Variants in FUT9 observed in about 807,000 individuals in gnomAD.
FUT9 encodes fucosyltransferase 9.
Under a neutral mutation model 29.7 loss-of-function variants are expected in FUT9, and 15 were observed. The observed-to-expected ratio is 0.51, with a 90% CI of 0.34 to 0.78. The LOEUF (loss-of-function observed/expected upper bound fraction) is 0.78, where lower values mean the gene tolerates loss of function less well. FUT9 is among the 30% of genes least tolerant of loss of function. The pLI is 0.01. For missense variants in FUT9, 319 were observed against 425.4 expected (o/e 0.75, Z 2.20); for synonymous variants, 169 against 153.7 (o/e 1.10, Z -0.74).
chr6:96,129,070 A>T (rs1180230523), intron 2 of FUT9, among the ~76,000 whole-genome samples: 1 of 150,208 alleles, frequency 6.7e-6, no homozygotes, highest in Non-Finnish European at 1.5e-5. Flanking sequence ...ATCTTGGCTA[A>T]CACGGTGAAA....
At chr6:96,044,350 G>A (rs1770521496) in intron 1 of FUT9, among the ~76,000 whole-genome samples, 1 of 152,146 alleles carries the variant, frequency 6.6e-6, no homozygotes, top group African/African-American at 2.4e-5. Flanking sequence ...CAAAGAGACA[G>A]AACTAAATAG....
intron 1 of FUT9, among the ~76,000 whole-genome samples, chr6:96,104,836 G>T (rs1283104601): frequency 6.6e-6 from 1 of 152,144 alleles, no homozygotes; most frequent in East Asian, 1.9e-4. Flanking sequence ...GGCCACACAA[G>T]TGTAAATTAT....
At chr6:96,036,480 G>A (rs1582184720) in intron 1 of FUT9, among the ~76,000 whole-genome samples, 1 of 151,894 alleles carries the variant, frequency 6.6e-6, no homozygotes, top group African/African-American at 2.4e-5. Context: ...TCACATAAAT[G>A]ACTATCAGTA....
chr6:96,108,964 C>G (rs1286439100), intron 1 of FUT9, among the ~76,000 whole-genome samples: 1 of 152,042 alleles, frequency 6.6e-6, no homozygotes, highest in East Asian at 1.9e-4. Flanking sequence ...CCTACCAACT[C>G]TCTGTTACAT....
chr6:96,046,523 T>G (rs2127935855), intron 1 of FUT9, among the ~76,000 whole-genome samples: 1 of 152,306 alleles, frequency 6.6e-6, no homozygotes, highest in Non-Finnish European at 1.5e-5. Flanking sequence ...AAGTTTCTAC[T>G]CAAATGCCAT....
intron 1 of FUT9, among the ~76,000 whole-genome samples, chr6:96,070,571 C>T (rs1183312864): frequency 6.6e-6 from 1 of 152,044 alleles, no homozygotes; most frequent in Non-Finnish European, 1.5e-5. Flanking sequence ...CCTGTAGTCC[C>T]AGCAACTTGG....
intron 1 of FUT9, among the ~76,000 whole-genome samples, chr6:96,023,873 G>C (rs1181497037): frequency 6.6e-6 from 1 of 151,714 alleles, no homozygotes; most frequent in African/African-American, 2.4e-5. Flanking sequence ...GTTTTTGTTG[G>C]ACCATCTGGG....
intron 1 of FUT9, among the ~76,000 whole-genome samples, chr6:96,080,443 G>A (rs1771215651): frequency 6.6e-6 from 1 of 151,920 alleles, no homozygotes; most frequent in Admixed American, 6.6e-5. Context: ...GAACTGAAGT[G>A]AAGCAAAGAC....
intron 2 of FUT9, among the ~76,000 whole-genome samples, chr6:96,130,679 G>A (rs779036598): frequency 7.2e-5 from 11 of 152,050 alleles, no homozygotes; most frequent in Admixed American, 1.3e-4. Flanking sequence ...CCTCCTTCAA[G>A]ATAATACAGT....
chr6:96,041,129 AC>A (rs1328113056), intron 1 of FUT9, among the ~76,000 whole-genome samples: 2 of 151,528 alleles, frequency 1.3e-5, no homozygotes, highest in African/African-American at 4.9e-5. Flanking sequence ...CTTGCAAAAC[AC>A]GACTTTGTAC....
intron 2 of FUT9, among the ~76,000 whole-genome samples, chr6:96,150,202 T>C (rs5000119): frequency 0.91 from 138,698 of 152,182 alleles, 64,597 homozygotes; most frequent in Non-Finnish European, 1. Flanking sequence ...AAATGGTGTC[T>C]GTTTCAGGTA....
At chr6:96,060,878 T>G (rs1287589844) in intron 1 of FUT9, among the ~76,000 whole-genome samples, 1 of 152,162 alleles carries the variant, frequency 6.6e-6, no homozygotes, top group Non-Finnish European at 1.5e-5. Flanking sequence ...AGCTGGACAT[T>G]TACAGCATTT....
At chr6:96,041,498 C>A (rs536378996) in intron 1 of FUT9, among the ~76,000 whole-genome samples, 1 of 152,042 alleles carries the variant, frequency 6.6e-6, no homozygotes, top group Non-Finnish European at 1.5e-5. Flanking sequence ...TTCCAACATC[C>A]CATTTCTATG....
At chr6:96,128,236 C>T (rs936166603) in intron 2 of FUT9, among the ~76,000 whole-genome samples, 17 of 151,896 alleles carry the variant, frequency 1.1e-4, no homozygotes, top group African/African-American at 3.9e-4. Context: ...GAAAATGTTC[C>T]CCCCAAAATT....
At chr6:96,172,633 G>A (rs548576631) in intron 2 of FUT9, among the ~76,000 whole-genome samples, 2 of 147,008 alleles carry the variant, frequency 1.4e-5, no homozygotes, top group East Asian at 4.2e-4. Flanking sequence ...TCAAGACAAG[G>A]AGGAAAGGAA....
At chr6:96,076,272 G>A (rs1771141234) in intron 1 of FUT9, among the ~76,000 whole-genome samples, 1 of 152,118 alleles carries the variant, frequency 6.6e-6, no homozygotes, top group South Asian at 2.1e-4. Context: ...GGGATATAAA[G>A]GAGGAAATAT....
chr6:96,039,479 G>A (rs954823949), intron 1 of FUT9, among the ~76,000 whole-genome samples: 6 of 151,920 alleles, frequency 3.9e-5, no homozygotes, highest in African/African-American at 9.7e-5. Context: ...CTGTGCACCC[G>A]CTATCTCATT....
intron 1 of FUT9, among the ~76,000 whole-genome samples, chr6:96,028,249 C>A (rs139102974): frequency 1.3e-5 from 2 of 151,306 alleles, no homozygotes; most frequent in South Asian, 2.1e-4. Flanking sequence ...GGAAACACTG[C>A]GTTACATGGA....
intron 2 of FUT9, among the ~76,000 whole-genome samples, chr6:96,119,411 AG>A (rs1771977553): frequency 1.3e-5 from 2 of 152,206 alleles, no homozygotes; most frequent in African/African-American, 4.8e-5. Context: ...AATACCATCT[AG>A]GTTTGTGTAA....
Sources: gnomAD v4.1 joint callset for allele counts (sites outside exome capture counted in the v4.1 genomes callset) on GRCh38, gnomAD v4.1.1 for gene constraint, MANE v1.5 for transcripts, NCBI Gene and HGNC (gene_info 2026-07-23, HGNC 2026-07-21) for gene names.